SLC5A4: variants seen among roughly 807,000 people sequenced by gnomAD.
The protein encoded by SLC5A4 is solute carrier family 5 member 4.
Under a neutral mutation model 70.3 loss-of-function variants are expected in SLC5A4, and 55 were observed. That is an observed-to-expected ratio of 0.78 (90% CI 0.63 to 0.98). The LOEUF (loss-of-function observed/expected upper bound fraction) is 0.98, where lower values mean the gene tolerates loss of function less well. Ranked by LOEUF, SLC5A4 falls within the 50% of genes least tolerant of loss-of-function variation. SLC5A4 has a pLI of 0.00. For missense variants in SLC5A4, 735 were observed against 839.2 expected (o/e 0.88, Z 1.53); for synonymous variants, 268 against 305.7 (o/e 0.88, Z 1.29).
At position 32,254,136 on chromosome 22, in the gene SLC5A4, A is replaced by G; in HGVS notation, c.207+6T>C. The G allele has an allele frequency of 6.2e-7, 1 of 1,612,162 alleles. No homozygotes were observed. The highest frequency in any genetic ancestry group is 1.7e-5 in the Admixed American group (1 of 60,020). On this transcript the variant is annotated splice_donor_region_variant and intron_variant, in intron 2 of 14. Coordinates refer to ENST00000266086, the MANE Select transcript of SLC5A4 (RefSeq NM_014227.3). ...ATTTATCTCCAGAAAACTTCGATCCACTTACCGGCCACCAGGCCATATCAC... is the reference window on the plus strand; with the variant it reads ...ATTTATCTCCAGAAAACTTCGATCCGCTTACCGGCCACCAGGCCATATCAC...
upstream of SLC5A4, among the ~76,000 whole-genome samples, chr22:32,255,896 TGAGTTGAGGGCA>T (rs1019344911): frequency 1.3e-5 from 2 of 151,934 alleles, no homozygotes; most frequent in African/African-American, 4.8e-5. Flanking sequence ...CCATATGTGG[TGAGTTGAGGGCA>T]GAGCTGTGGA....
the SLC5A4 span, among the ~76,000 whole-genome samples, chr22:32,288,091 C>T: frequency 2.0e-5 from 3 of 151,644 alleles, no homozygotes; most frequent in Admixed American, 1.3e-4. Flanking sequence ...CTCAGGTGAT[C>T]CACCTGCCTT....
the SLC5A4 span, among the ~76,000 whole-genome samples, chr22:32,314,529 C>A: frequency 1.3e-4 from 20 of 152,208 alleles, no homozygotes; most frequent in South Asian, 1.7e-3. Context: ...GTTCCCATGA[C>A]CCCTTCTTAA....
chr22:32,308,023 A>G, the SLC5A4 span, among the ~76,000 whole-genome samples: 1 of 152,150 alleles, frequency 6.6e-6, no homozygotes, highest in African/African-American at 2.4e-5. Flanking sequence ...AACATTGATA[A>G]GACATGTTCC....
chr22:32,333,198 C>CCA, the SLC5A4 span, among the ~76,000 whole-genome samples: 3 of 145,942 alleles, frequency 2.1e-5, no homozygotes, highest in East Asian at 2.2e-4. Flanking sequence ...GCACTGGCAC[C>CCA]CCCCCCCCAG....
chr22:32,313,712 G>T, the SLC5A4 span, among the ~76,000 whole-genome samples: 3 of 152,206 alleles, frequency 2.0e-5, no homozygotes, highest in African/African-American at 7.2e-5. Flanking sequence ...CAATTGCCCA[G>T]CCACAACTAC....
At chr22:32,340,315 T>C in the SLC5A4 span, among the ~76,000 whole-genome samples, 1 of 152,328 alleles carries the variant, frequency 6.6e-6, no homozygotes, top group South Asian at 2.1e-4. Context: ...ACTGTCTAGG[T>C]GCCTTCTGTG....
At chr22:32,227,850 G>A (rs1013939922) in intron 11 of SLC5A4, among the ~76,000 whole-genome samples, 4 of 150,692 alleles carry the variant, frequency 2.7e-5, no homozygotes, top group Admixed American at 6.6e-5. Flanking sequence ...CAGGAGAATC[G>A]CTTGAACTCG....
At chr22:32,288,870 T>C in the SLC5A4 span, among the ~76,000 whole-genome samples, 1 of 152,350 alleles carries the variant, frequency 6.6e-6, no homozygotes, top group South Asian at 2.1e-4. Flanking sequence ...TAGATTATTT[T>C]AGGTTTTCTA....
rs75372047 is a variant in SLC5A4 at position 32,245,853 on chromosome 22, G to A, written c.477+1558C>T. Among the ~76,000 whole-genome samples the A allele has an allele frequency of 2.5e-3, 384 of 152,334 alleles. 2 individuals carry two copies. The highest frequency in any genetic ancestry group is 6.8e-3 in the Middle Eastern group (2 of 294). ...TCTTCAGAACTGTAAAGCTGTAGAT[G>A]TCAGCACCAGAGGACAATTGGGAGA... On this transcript the variant is annotated intron_variant, in intron 5 of 14. Transcript: ENST00000266086.
the SLC5A4 span, among the ~76,000 whole-genome samples, chr22:32,339,456 C>T: frequency 1.3e-5 from 2 of 152,170 alleles, no homozygotes; most frequent in Non-Finnish European, 1.5e-5. Context: ...AGCTCTGATT[C>T]GAAGACTACG....
chr22:32,301,026 G>T, the SLC5A4 span, among the ~76,000 whole-genome samples: 1 of 152,140 alleles, frequency 6.6e-6, no homozygotes, highest in Non-Finnish European at 1.5e-5. Context: ...GCAGTGGCAT[G>T]ATCTTGGCTC....
the SLC5A4 span, among the ~76,000 whole-genome samples, chr22:32,301,199 G>C: frequency 3.3e-5 from 5 of 152,184 alleles, no homozygotes; most frequent in African/African-American, 1.2e-4. Flanking sequence ...CCGACCTCAT[G>C]ATCCAGCCAC....
chr22:32,330,988 G>A, the SLC5A4 span, among the ~76,000 whole-genome samples: 15 of 41,496 alleles, frequency 3.6e-4, no homozygotes, highest in South Asian at 1.1e-3. Context: ...TGTGTGTTGG[G>A]GGCTCTGGTG....
At chr22:32,286,449 C>A in the SLC5A4 span, among the ~76,000 whole-genome samples, 1 of 152,178 alleles carries the variant, frequency 6.6e-6, no homozygotes, top group East Asian at 1.9e-4. Flanking sequence ...TAGTTGGATC[C>A]CTGCATCACT....
the SLC5A4 span, chr22:32,269,556 G>C: frequency 3.2e-6 from 2 of 627,058 alleles, no homozygotes; most frequent in Non-Finnish European, 6.2e-6. This position sits in a 1 kb window ranked among gnomAD's most constrained non-coding sequence, Gnocchi z 4.1. Context: ...ACATCACGCA[G>C]AAGGTGCACC....
chr22:32,311,296 G>C, the SLC5A4 span, among the ~76,000 whole-genome samples: 3 of 152,366 alleles, frequency 2.0e-5, no homozygotes, highest in African/African-American at 7.2e-5. Flanking sequence ...TGGGCAGTCA[G>C]TGTGAGAACA....
At chr22:32,272,261 CT>C in the SLC5A4 span, 5 of 800,758 alleles carry the variant, frequency 6.2e-6, no homozygotes, top group Admixed American at 8.7e-5. Context: ...CCAGCCAGCC[CT>C]TGACCAAGAA....
the SLC5A4 span, among the ~76,000 whole-genome samples, chr22:32,294,605 G>A: frequency 3.0e-5 from 4 of 134,402 alleles, no homozygotes; most frequent in Admixed American, 7.9e-5. Flanking sequence ...ATATTAATAT[G>A]GTACCCATTT....
Sources: allele counts gnomAD v4.1 joint callset (sites outside exome capture counted in the v4.1 genomes callset), GRCh38; gene constraint gnomAD v4.1.1; non-coding constraint Gnocchi (gnomAD v3.1); transcripts MANE v1.5; gene names NCBI Gene and HGNC (gene_info 2026-07-23, HGNC 2026-07-21).